Variants in PCDHGA9 observed in about 807,000 individuals in gnomAD.
PCDHGA9 encodes the protein protocadherin gamma-A9.
Under a neutral mutation model 62.5 loss-of-function variants are expected in PCDHGA9, and 37 were observed. The observed-to-expected ratio is 0.59, with a 90% CI of 0.46 to 0.78. The LOEUF (loss-of-function observed/expected upper bound fraction) is 0.78, where lower values mean the gene tolerates loss of function less well. PCDHGA9 is among the 30% of genes least tolerant of loss of function. The pLI, the probability that PCDHGA9 is intolerant of heterozygous loss-of-function variation, is 0.00. For missense variants in PCDHGA9, 1,138 were observed against 1,166.2 expected, an observed-to-expected ratio of 0.98 and a Z score of 0.35; for synonymous variants, 459 against 484.6, an observed-to-expected ratio of 0.95 and a Z score of 0.69.
In PCDHGA9 at chr5:141,512,809, A is replaced by C. The variant is rs2099884438; in HGVS notation, c.*1636A>C. ...GTGTTTTGTGCTGTGTCCACGCGCT[A>C]AGGCGACCCCCTCCCCCGTACTGAC... On this transcript the variant is annotated 3_prime_UTR_variant, in exon 4 of 4. Coordinates refer to ENST00000573521, the MANE Select transcript of PCDHGA9 (RefSeq NM_018921.3). 6.6e-6 allele frequency: 1 copy of C among 152,130 alleles called. No homozygotes were observed. The highest frequency in any genetic ancestry group is 2.4e-5 in the African/African-American group (1 of 41,404). The allele number at this position is 152,130 out of a possible 1,614,324, so 9.4% of individuals were successfully genotyped here. A position where few individuals can be genotyped will look rare whatever the true frequency, so the allele number is the denominator to read the frequency against.
chr5:141,485,387 C>T lies in PCDHGA9; in HGVS notation c.2425-9420C>T. The T allele has an allele frequency of 6.2e-7, 1 of 1,614,078 alleles. No homozygotes were observed. Among genetic ancestry groups the T allele is most frequent in the Non-Finnish European group, 8.5e-7 (1 of 1,179,994 alleles). On this transcript the variant is annotated intron_variant, in intron 1 of 3. Coordinates refer to ENST00000573521, the MANE Select transcript of PCDHGA9 (RefSeq NM_018921.3). This position sits in a 1 kb window ranked among gnomAD's most constrained non-coding sequence, Gnocchi z 5.7. ...GCTGCAGGTCGCTGGAGAGGTGAAC[C>T]AAAGACACTTCCGTGTGGATTTGGA...
At chr5:141,427,707 T>C in intron 1 of PCDHGA9, 1 of 1,011,828 alleles carries the variant, frequency 9.9e-7, no homozygotes, top group Non-Finnish European at 1.5e-6. Context: ...AGTCAGCGCC[T>C]CTGACCTGGA....
At chr5:141,427,869 A>G in intron 1 of PCDHGA9, 3 of 1,559,604 alleles carry the variant, frequency 1.9e-6, no homozygotes, top group Non-Finnish European at 2.6e-6. Flanking sequence ...CTTCGAGCTC[A>G]CGATGCAGGC....
Position 141,404,192 on chromosome 5 carries a change from A to G in PCDHGA9, c.1240A>G (p.Lys414Glu). The G allele has an allele frequency of 6.2e-7, 1 of 1,613,574 alleles. No homozygotes were observed. ...LLTAQILDRE[K>E]ASEYNITVTA... ...GACGGCCCAAATTCTTGACCGAGAA[A>G]AAGCCTCAGAATATAATATCACGGT... Residue 414 changes from lysine to glutamate, a missense_variant, in exon 1 of 4, where the codon AAA (lysine) becomes GAA (glutamate). Coordinates refer to ENST00000573521, the MANE Select transcript of PCDHGA9 (RefSeq NM_018921.3).
chr5:141,423,310 G>C, intron 1 of PCDHGA9: 2 of 1,614,180 alleles, frequency 1.2e-6, no homozygotes, highest in Non-Finnish European at 1.7e-6. Context: ...GCTGTACTTG[G>C]TGGTGGCGGT....
Position 141,432,485 on chromosome 5 carries a change from G to C in PCDHGA9, c.2424+27109G>C. 6.2e-7 allele frequency: 1 copy of C among 1,614,186 alleles called. No individual in the cohort carries two copies. The highest frequency in any genetic ancestry group is 8.5e-7 in the Non-Finnish European group (1 of 1,180,040). On this transcript the variant is annotated intron_variant, in intron 1 of 3. Coordinates refer to ENST00000573521, the MANE Select transcript of PCDHGA9 (RefSeq NM_018921.3). The surrounding 1 kb of genome is among the most constrained non-coding windows in gnomAD (Gnocchi z 6.0). ...CCCCACGGACGGTTCCACTGGCGTG[G>C]AGCTGGCTCCCCGCTCCGCAGAGCC...
At chr5:141,419,290 T>C (rs1160812369) in intron 1 of PCDHGA9, 1 of 1,613,914 alleles carries the variant, frequency 6.2e-7, no homozygotes, top group African/African-American at 1.3e-5. Context: ...TCAGTGCCTC[T>C]GACCCAGACT....
rs1310685846 is a variant in PCDHGA9, at chr5:141,423,037, T to C, written c.2424+17661T>C. ...GGACAAAGATTCAGGCCAGAACGCCTGGCTGTCCTATCGCCTGCTTAAGGC... is the reference window on the plus strand; with the variant it reads ...GGACAAAGATTCAGGCCAGAACGCCCGGCTGTCCTATCGCCTGCTTAAGGC... On this transcript the variant is annotated intron_variant, in intron 1 of 3. Transcript: ENST00000573521. 5 of 1,614,086 alleles carry C rather than the reference T, an allele frequency of 3.1e-6. No homozygotes were observed. In the African/African-American group the frequency reaches 5.3e-5, roughly 17 times the overall value.
At chr5:141,504,995 G>A (rs1214858212) in intron 2 of PCDHGA9, among the ~76,000 whole-genome samples, 6 of 151,980 alleles carry the variant, frequency 3.9e-5, no homozygotes, top group African/African-American at 1.5e-4. Context: ...AACCCCGTCT[G>A]TACTAAAAAT....
At chr5:141,499,021 GAAGGAAGA>G (rs1193940810) in intron 2 of PCDHGA9, among the ~76,000 whole-genome samples, 2 of 140,162 alleles carry the variant, frequency 1.4e-5, no homozygotes, top group East Asian at 2.1e-4. Flanking sequence ...AGGAAGGAAG[GAAGGAAGA>G]AAAGAAAGAA....
Position 141,487,687 on chromosome 5 carries a change from A to G in PCDHGA9, c.2425-7120A>G, listed in dbSNP as rs750431854. ...CAGGCATATGGCTAGGCCATGTCCTAGAGAGTACTGGCCTCTCAGTAAGTG... is the reference window on the plus strand; with the variant it reads ...CAGGCATATGGCTAGGCCATGTCCTGGAGAGTACTGGCCTCTCAGTAAGTG... On this transcript the variant is annotated intron_variant, in intron 1 of 3. Transcript: ENST00000573521. This position sits in a 1 kb window ranked among gnomAD's most constrained non-coding sequence, Gnocchi z 5.0. The G allele has an allele frequency of 1.9e-6, 3 of 1,606,256 alleles. No individual in the cohort carries two copies. The highest frequency in any genetic ancestry group is 3.4e-5 in the Admixed American group (2 of 58,832).
rs1312182657 is a variant in PCDHGA9 at position 141,406,777 on chromosome 5, CTT to C, written c.2424+1402_2424+1403del. Among the ~76,000 whole-genome samples the C allele has an allele frequency of 2.0e-5, 3 of 152,268 alleles. No individual in the cohort carries two copies. The East Asian group carries it at 5.8e-4, about 29-fold the overall frequency. On this transcript the variant is annotated intron_variant, in intron 1 of 3. Coordinates refer to ENST00000573521, the MANE Select transcript of PCDHGA9 (RefSeq NM_018921.3). ...CAAGGAATTAAAAATATTTCTCTCA[CTT>C]ATATATTATTTCTGGCTCAATTCTC...
chr5:141,510,526 A>T (rs1164238062), intron 3 of PCDHGA9, among the ~76,000 whole-genome samples: 1 of 152,156 alleles, frequency 6.6e-6, no homozygotes, highest in East Asian at 1.9e-4. Flanking sequence ...CAGCCCTGAG[A>T]GAAATACCAG....
chr5:141,490,380 T>A lies in PCDHGA9; in HGVS notation c.2425-4427T>A. On this transcript the variant is annotated intron_variant, in intron 1 of 3. Coordinates refer to ENST00000573521, the MANE Select transcript of PCDHGA9 (RefSeq NM_018921.3). The surrounding 1 kb of genome is among the most constrained non-coding windows in gnomAD (Gnocchi z 5.4). ...TTAATGTGCGAGACCGGGACTCAGG[T>A]AGAAATGGTGAAGTGAGCCTTGATA... 6.2e-7 allele frequency: 1 copy of A among 1,614,204 alleles called. No homozygotes were observed. The highest frequency in any genetic ancestry group is 1.7e-5 in the Admixed American group (1 of 60,026).
At chr5:141,434,535 A>G (rs939961995) in intron 1 of PCDHGA9, among the ~76,000 whole-genome samples, 1 of 152,230 alleles carries the variant, frequency 6.6e-6, no homozygotes, top group African/African-American at 2.4e-5. Flanking sequence ...ACCACAAACA[A>G]TAGCATGAGT....
rs757924501 is a variant in PCDHGA9, at chr5:141,490,548, A to G, written c.2425-4259A>G. 1.2e-6 allele frequency: 2 copies of G among 1,614,084 alleles called. No individual in the cohort carries two copies. Among genetic ancestry groups the G allele is most frequent in the South Asian group, 2.2e-5 (2 of 91,080 alleles). ...ATGCTGGTTCACCTTCCCTACACAA[A>G]CATCTCACCATCAGGCTCAACATTT... On this transcript the variant is annotated intron_variant, in intron 1 of 3. Transcript: ENST00000573521. This position sits in a 1 kb window ranked among gnomAD's most constrained non-coding sequence, Gnocchi z 5.4.
At chr5:141,408,177 G>C (rs1359754385) in intron 1 of PCDHGA9, 3 of 1,534,464 alleles carry the variant, frequency 2.0e-6, no homozygotes, top group Non-Finnish European at 2.6e-6. Context: ...GGAAAAGCGG[G>C]GACCCAGCGA....
chr5:141,496,140 T>C (rs1172903212), intron 2 of PCDHGA9, among the ~76,000 whole-genome samples: 1 of 152,006 alleles, frequency 6.6e-6, no homozygotes, highest in Admixed American at 6.6e-5. Flanking sequence ...CACTGAGCCT[T>C]TGATCGCAGC....
intron 1 of PCDHGA9, chr5:141,426,995 C>A (rs772977735): frequency 2.2e-6 from 1 of 456,694 alleles, no homozygotes; most frequent in South Asian, 1.5e-5. Context: ...ACGATAATGC[C>A]CCAGTTTTTA....
Sources: gnomAD v4.1 joint callset for allele counts (sites outside exome capture counted in the v4.1 genomes callset) on GRCh38, gnomAD v4.1.1 for gene constraint, Gnocchi (gnomAD v3.1) non-coding constraint, MANE v1.5 for transcripts, NCBI Gene and HGNC (gene_info 2026-07-23, HGNC 2026-07-21) for gene names.